FLRT1: variants seen among roughly 807,000 people sequenced by gnomAD.
The protein encoded by FLRT1 is fibronectin leucine rich transmembrane protein 1, also known as leucine-rich repeat transmembrane protein FLRT1.
A neutral mutation model predicts 30.9 loss-of-function variants in FLRT1; 14 were observed. That is an observed-to-expected ratio of 0.45 (90% confidence interval 0.30 to 0.71). The LOEUF (loss-of-function observed/expected upper bound fraction) is 0.71, where lower values mean the gene tolerates loss of function less well. Among genes scored for constraint, FLRT1 ranks in the 30% least tolerant of loss-of-function variants. The probability of loss-of-function intolerance (pLI) is 0.08; values close to 1 mark genes in which losing one functional copy is unlikely to be tolerated. For missense variants in FLRT1, 737 were observed against 949.2 expected (o/e 0.78, Z 2.94); for synonymous variants, 368 against 430.4 (o/e 0.85, Z 1.80).
intron 1 of FLRT1, among the ~76,000 whole-genome samples, chr11:64,068,032 T>C (rs1213519728): frequency 6.6e-6 from 1 of 152,226 alleles, no homozygotes; most frequent in Non-Finnish European, 1.5e-5. Flanking sequence ...TTGGGGGTTA[T>C]TTAACAAATT....
chr11:64,042,193 C>A (rs1161960668), intron 1 of FLRT1, among the ~76,000 whole-genome samples: 1 of 152,182 alleles, frequency 6.6e-6, no homozygotes. Flanking sequence ...CTCTTGCACA[C>A]ACATGCTCAC....
chr11:64,073,052 C>T (rs1280297166), intron 1 of FLRT1, among the ~76,000 whole-genome samples: 1 of 152,192 alleles, frequency 6.6e-6, no homozygotes, highest in Non-Finnish European at 1.5e-5. Flanking sequence ...AGGCCCAGCT[C>T]CTGACGGCAC....
chr11:64,080,477 C>A (rs1023927563), intron 1 of FLRT1, among the ~76,000 whole-genome samples: 3 of 152,136 alleles, frequency 2.0e-5, no homozygotes, highest in Non-Finnish European at 4.4e-5. Context: ...AGAACATTTT[C>A]ATCCCCTAAA....
chr11:64,111,447 G>A lies in FLRT1; in HGVS notation c.-49-4772G>A, dbSNP rs143871787. Among the ~76,000 whole-genome samples the A allele has an allele frequency of 2.1e-3, 315 of 152,342 alleles. 5 individuals are homozygous for A. In the Middle Eastern group the frequency reaches 0.037, roughly 18 times the overall value. The stretch of plus-strand genomic sequence containing the variant: ...TAGCATTGCCCTGTGCTACCTACCT[G>A]CTCATAAGTGGCTTGAGGCAGGACC... On this transcript the variant is annotated intron_variant, in intron 2 of 2. Transcript: ENST00000682287.
At chr11:64,059,914 C>T (rs1943865103) in intron 1 of FLRT1, among the ~76,000 whole-genome samples, 1 of 152,152 alleles carries the variant, frequency 6.6e-6, no homozygotes, top group Non-Finnish European at 1.5e-5. Context: ...AGGCTGGCAA[C>T]CGCGACCTCC....
rs183670823 is a variant in FLRT1, at chr11:64,116,540, C to T, written c.273C>T (p.Asn91=). The change falls in exon 3 of 3, where the codon AAC becomes AAT. Residue 91 remains asparagine (N), a synonymous_variant. Coordinates refer to ENST00000682287, the MANE Select transcript of FLRT1 (RefSeq NM_013280.5). ...DDATTLYLQN[N]QINNAGIPQD... ...CCACCACCCTCTACCTGCAGAACAACCAGATCAACAACGCCGGCATCCCCC... is the reference window on the plus strand; with the variant it reads ...CCACCACCCTCTACCTGCAGAACAATCAGATCAACAACGCCGGCATCCCCC... 2 of 1,614,074 alleles carry T rather than the reference C, an allele frequency of 1.2e-6. No homozygotes were observed. The highest frequency in any genetic ancestry group is 1.7e-6 in the Non-Finnish European group (2 of 1,179,980).
chr11:64,079,072 T>G (rs1408002891), intron 1 of FLRT1, among the ~76,000 whole-genome samples: 3 of 79,318 alleles, frequency 3.8e-5, no homozygotes, highest in Admixed American at 1.5e-4. Flanking sequence ...CCGGGGGCGG[T>G]GGGGAGGCGC....
At chr11:64,088,509 G>A (rs1012690339) in intron 1 of FLRT1, among the ~76,000 whole-genome samples, 3 of 152,222 alleles carry the variant, frequency 2.0e-5, no homozygotes, top group African/African-American at 7.2e-5. Flanking sequence ...TTCCTCACCA[G>A]GACGGCAGAG....
chr11:64,095,126 G>A (rs1166282065), intron 1 of FLRT1, among the ~76,000 whole-genome samples: 1 of 152,226 alleles, frequency 6.6e-6, no homozygotes, highest in African/African-American at 2.4e-5. Context: ...AAAGCCAGGC[G>A]TCTGCAAAGA....
rs778352526 is a variant in FLRT1 at position 64,117,896 on chromosome 11, G to A, written c.1629G>A (p.Gln543=). ...CTACCACCACACTCAACCAGGAGCAGAACGCTGGCCCCATGGCGAGCCTGC... is the reference window on the plus strand; with the variant it reads ...CTACCACCACACTCAACCAGGAGCAAAACGCTGGCCCCATGGCGAGCCTGC... ...YGPTTTLNQE[Q]NAGPMASLPL... Residue 543 remains glutamine, a synonymous_variant, in exon 3 of 3, where the codon CAG becomes CAA. Transcript: ENST00000682287. 1.8e-5 allele frequency: 29 copies of A among 1,613,996 alleles called. No individual in the cohort carries two copies. The highest frequency in any genetic ancestry group is 3.3e-5 in the Admixed American group (2 of 60,034).
At chr11:64,086,192 T>C (rs1045009856) in intron 1 of FLRT1, among the ~76,000 whole-genome samples, 1 of 152,096 alleles carries the variant, frequency 6.6e-6, no homozygotes, top group African/African-American at 2.4e-5. Flanking sequence ...CCCCCAGGGC[T>C]GGAGTGGGGA....
Position 64,090,726 on chromosome 11 carries a change from C to T in FLRT1, c.-1037-12468C>T, listed in dbSNP as rs565639949. On this transcript the variant is annotated intron_variant, in intron 1 of 2. Coordinates refer to ENST00000682287, the MANE Select transcript of FLRT1 (RefSeq NM_013280.5). The surrounding 1 kb of genome is among the most constrained non-coding windows in gnomAD (Gnocchi z 4.7). ...ACTAAAATGGGGGCAGGGGTGGCAGCGTCTCTCCACCACATCCCAAGACTA... is the reference window on the plus strand; with the variant it reads ...ACTAAAATGGGGGCAGGGGTGGCAGTGTCTCTCCACCACATCCCAAGACTA... Among the ~76,000 whole-genome samples, 2 of 152,106 alleles carry T rather than the reference C, an allele frequency of 1.3e-5. No individual in the cohort carries two copies. Among genetic ancestry groups the T allele is most frequent in the African/African-American group, 2.4e-5 (1 of 41,508 alleles).
At chr11:64,071,835 C>T (rs1015625830) in intron 1 of FLRT1, among the ~76,000 whole-genome samples, 1 of 152,130 alleles carries the variant, frequency 6.6e-6, no homozygotes, top group South Asian at 2.1e-4. Context: ...GGCATCGAGA[C>T]TCACCCAGGC....
Position 64,117,168 on chromosome 11 carries a change from C to T in FLRT1, c.901C>T (p.Leu301=). The change falls in exon 3 of 3, where the codon CTG becomes TTG. Residue 301 remains leucine, a synonymous_variant. Transcript: ENST00000682287. ...AKMRELERLD[L]SNNNLTTLPR... ...GATGCGTGAGCTGGAGCGGCTGGACCTGTCCAACAACAACCTGACCACGCT... is the reference window on the plus strand; with the variant it reads ...GATGCGTGAGCTGGAGCGGCTGGACTTGTCCAACAACAACCTGACCACGCT... 1 of 1,614,048 alleles carries T rather than the reference C, an allele frequency of 6.2e-7. No individual in the cohort carries two copies. Among genetic ancestry groups the T allele is most frequent in the Non-Finnish European group, 8.5e-7 (1 of 1,180,012 alleles).
At chr11:64,063,882 G>T (rs1245598436) in intron 1 of FLRT1, among the ~76,000 whole-genome samples, 1 of 152,350 alleles carries the variant, frequency 6.6e-6, no homozygotes, top group East Asian at 1.9e-4. Flanking sequence ...CCCCAGAGAG[G>T]GTGGTGGAGG....
intron 1 of FLRT1, among the ~76,000 whole-genome samples, chr11:64,100,749 A>G (rs1410692845): frequency 6.6e-6 from 1 of 152,142 alleles, no homozygotes; most frequent in African/African-American, 2.4e-5. Flanking sequence ...TGGAAAACCA[A>G]TACACACCCC....
Position 64,116,455 on chromosome 11 carries a change from G to T in FLRT1, c.188G>T (p.Gly63Val). Residue 63 changes from glycine (G) to valine (V), a missense_variant, in exon 3 of 3, where the codon GGC becomes GTC. Gly to Val is a moderately radical substitution (Grantham distance 109). Coordinates refer to ENST00000682287, the MANE Select transcript of FLRT1 (RefSeq NM_013280.5). ...TCPSVCRCDN[G>V]FIYCNDRGLT... Reference sequence around the variant, plus strand: ...CCCTCGGTGTGCCGCTGCGACAACGGCTTCATCTACTGCAACGACCGGGGA... The same window carrying T: ...CCCTCGGTGTGCCGCTGCGACAACGTCTTCATCTACTGCAACGACCGGGGA... 6.2e-7 allele frequency: 1 copy of T among 1,613,996 alleles called. No individual in the cohort carries two copies. The highest frequency in any genetic ancestry group is 8.5e-7 in the Non-Finnish European group (1 of 1,180,026).
At chr11:64,071,119 T>C (rs182693072) in intron 1 of FLRT1, among the ~76,000 whole-genome samples, 11 of 152,246 alleles carry the variant, frequency 7.2e-5, no homozygotes, top group African/African-American at 2.6e-4. Context: ...TTTGCCTTTG[T>C]TGTCAAAATT....
At chr11:64,108,581 C>T (rs1248081958) in intron 2 of FLRT1, among the ~76,000 whole-genome samples, 1 of 152,226 alleles carries the variant, frequency 6.6e-6, no homozygotes, top group Non-Finnish European at 1.5e-5. Flanking sequence ...TTTGCTGAAG[C>T]CCCATCACAG....
Sources: gnomAD v4.1 joint callset for allele counts (sites outside exome capture counted in the v4.1 genomes callset) on GRCh38, gnomAD v4.1.1 for gene constraint, Gnocchi (gnomAD v3.1) non-coding constraint, MANE v1.5 for transcripts, NCBI Gene and HGNC (gene_info 2026-07-23, HGNC 2026-07-21) for gene names.